The following FGF14 variants were observed in gnomAD, a reference collection of about 807,000 sequenced individuals.
The protein encoded by FGF14 is fibroblast growth factor 14, also known as fibroblast growth factor homologous factor 4.
FGF14 carries 5 observed loss-of-function variants against 25.5 expected under a neutral mutation model. The ratio of observed to expected loss-of-function variants is 0.20; its 90% CI spans 0.10 to 0.41. The LOEUF (loss-of-function observed/expected upper bound fraction) is 0.41, where lower values mean the gene tolerates loss of function less well. Among genes scored for constraint, FGF14 ranks in the 10% least tolerant of loss-of-function variants. The pLI is 1.00. For synonymous variants in FGF14, 138 were observed against 118.3 expected, an observed-to-expected ratio of 1.17 and a Z score of -1.08; for missense variants, 222 against 320.1, an observed-to-expected ratio of 0.69 and a Z score of 2.34.
chr13:101,806,900 A>T (rs2041237064), intron 3 of FGF14, among the ~76,000 whole-genome samples: 1 of 152,156 alleles, frequency 6.6e-6, no homozygotes, highest in Non-Finnish European at 1.5e-5. Flanking sequence ...AGAGCTTCCG[A>T]ATTCAACATA....
intron 1 of FGF14, among the ~76,000 whole-genome samples, chr13:102,096,208 G>C (rs1301514041): frequency 6.6e-6 from 1 of 151,978 alleles, no homozygotes; most frequent in Non-Finnish European, 1.5e-5. Flanking sequence ...ATAAGTTATA[G>C]AGTGAGGAGA....
At chr13:102,304,199 C>T (rs1240273645) in intron 1 of FGF14, among the ~76,000 whole-genome samples, 1 of 152,002 alleles carries the variant, frequency 6.6e-6, no homozygotes, top group Non-Finnish European at 1.5e-5. Context: ...TTCTCTGAAA[C>T]CCAGTCCCTA....
chr13:102,108,068 A>G (rs1375853631), intron 1 of FGF14, among the ~76,000 whole-genome samples: 2 of 152,312 alleles, frequency 1.3e-5, no homozygotes, highest in Non-Finnish European at 2.9e-5. Flanking sequence ...AAATTGAATT[A>G]TATTTAATAA....
rs193176909 is a variant in FGF14 at position 101,869,930 on chromosome 13, G to A, written c.305-1102C>T. The stretch of plus-strand genomic sequence containing the variant: ...ACATGTTTCCTCCTAATAGGTTGAA[G>A]AAAATTACACCCTCTCTTCTGATTA... On this transcript the variant is annotated intron_variant, in intron 2 of 4. Coordinates refer to ENST00000376143, the MANE Select transcript of FGF14 (RefSeq NM_004115.4). 6.5e-3 allele frequency among the ~76,000 whole-genome samples: 995 copies of A among 152,222 alleles called. 10 individuals are homozygous for A. Among genetic ancestry groups the A allele is most frequent in the South Asian group, 0.013 (65 of 4,822 alleles).
chr13:101,964,624 C>T (rs1170716250), intron 1 of FGF14, among the ~76,000 whole-genome samples: 1 of 152,200 alleles, frequency 6.6e-6, no homozygotes, highest in Non-Finnish European at 1.5e-5. Context: ...GAGACTCTTC[C>T]ATGTGCTGGT....
chr13:101,729,909 A>G (rs916909481), intron 3 of FGF14, among the ~76,000 whole-genome samples: 1 of 152,180 alleles, frequency 6.6e-6, no homozygotes, highest in Non-Finnish European at 1.5e-5. Context: ...CCTATAAAAT[A>G]CTAGAGTGAT....
At chr13:102,006,727 CTTTTTTTTTTTTTT>C (rs774872814) in intron 1 of FGF14, among the ~76,000 whole-genome samples, 1 of 61,948 alleles carries the variant, frequency 1.6e-5, no homozygotes, top group East Asian at 5.3e-4. Context: ...AATCTTACTT[CTTTTTTTTTTTTTT>C]TTTTTTTTTT....
intron 1 of FGF14, among the ~76,000 whole-genome samples, chr13:101,905,438 AAACT>A (rs1234303064): frequency 1.2e-4 from 18 of 152,180 alleles, no homozygotes; most frequent in Admixed American, 1.2e-3. Context: ...CATTCTCAGC[AAACT>A]AACACAAGAA....
chr13:102,034,072 T>A (rs2139954357), intron 1 of FGF14, among the ~76,000 whole-genome samples: 1 of 152,214 alleles, frequency 6.6e-6, no homozygotes, highest in East Asian at 1.9e-4. Flanking sequence ...CTGGGATCAA[T>A]GCACTATTTT....
At chr13:101,889,434 C>T (rs1445293289) in intron 1 of FGF14, among the ~76,000 whole-genome samples, 1 of 151,996 alleles carries the variant, frequency 6.6e-6, no homozygotes, top group African/African-American at 2.4e-5. Flanking sequence ...CATTTAAGTA[C>T]TATGATATGT....
At chr13:102,354,781 T>A (rs527393191) in intron 1 of FGF14, among the ~76,000 whole-genome samples, 10 of 152,214 alleles carry the variant, frequency 6.6e-5, no homozygotes, top group Admixed American at 3.3e-4. Context: ...GAAAGAATCA[T>A]TTGCACTTCC....
chr13:101,939,606 T>C (rs2035313608), intron 1 of FGF14, among the ~76,000 whole-genome samples: 1 of 152,182 alleles, frequency 6.6e-6, no homozygotes, highest in Non-Finnish European at 1.5e-5. Context: ...GTTATTAGAT[T>C]TGCATCTTGA....
At chr13:102,394,312 A>G (rs946522944) in intron 1 of FGF14, 2 of 152,378 alleles carry the variant, frequency 1.3e-5, no homozygotes, top group Middle Eastern at 3.2e-3. Flanking sequence ...CAGGTCCAGC[A>G]GTGCACATGG....
chr13:102,305,518 G>C (rs2055327371), intron 1 of FGF14, among the ~76,000 whole-genome samples: 1 of 152,098 alleles, frequency 6.6e-6, no homozygotes. Flanking sequence ...GACTAAAACA[G>C]AAATATTTGC....
intron 3 of FGF14, among the ~76,000 whole-genome samples, chr13:101,767,864 T>A (rs998110648): frequency 3.3e-5 from 5 of 152,178 alleles, no homozygotes; most frequent in East Asian, 3.9e-4. Context: ...ATTACTTTTT[T>A]AAAAATTTTA....
intron 1 of FGF14, among the ~76,000 whole-genome samples, chr13:102,084,805 T>G (rs1006262987): frequency 6.6e-6 from 1 of 152,200 alleles, no homozygotes; most frequent in Non-Finnish European, 1.5e-5. Flanking sequence ...GGTGTGAATT[T>G]TCTCATAAAC....
At chr13:101,774,320 T>C (rs901042550) in intron 3 of FGF14, among the ~76,000 whole-genome samples, 5 of 152,152 alleles carry the variant, frequency 3.3e-5, no homozygotes, top group Non-Finnish European at 4.4e-5. Context: ...GTAATATTAA[T>C]AATTAGAATG....
chr13:102,254,975 G>A (rs1175400546), intron 1 of FGF14, among the ~76,000 whole-genome samples: 4 of 152,140 alleles, frequency 2.6e-5, no homozygotes, highest in Non-Finnish European at 4.4e-5. Flanking sequence ...GATCATCTGC[G>A]ACAGTTTAAT....
chr13:101,850,145 G>C (rs2043676205), intron 3 of FGF14, among the ~76,000 whole-genome samples: 1 of 151,164 alleles, frequency 6.6e-6, no homozygotes, highest in South Asian at 2.1e-4. Flanking sequence ...TAATATTTAA[G>C]TGTTCTGGCC....
Sources: gnomAD v4.1 joint callset for allele counts (sites outside exome capture counted in the v4.1 genomes callset) on GRCh38, gnomAD v4.1.1 for gene constraint, MANE v1.5 for transcripts, NCBI Gene and HGNC (gene_info 2026-07-23, HGNC 2026-07-21) for gene names.